Variants in GALNT10 observed in about 807,000 individuals in gnomAD.
GALNT10 encodes GalNAc transferase 10.
Under a neutral mutation model 75.0 loss-of-function variants are expected in GALNT10, and 41 were observed. The observed-to-expected ratio is 0.55, with a 90% CI of 0.43 to 0.71. The LOEUF is 0.71. Among genes scored for constraint, GALNT10 ranks in the 30% least tolerant of loss-of-function variants. The pLI is 0.00. For missense variants in GALNT10, 727 were observed against 818.5 expected (o/e 0.89, Z 1.36); for synonymous variants, 302 against 313.0 (o/e 0.96, Z 0.37).
Position 154,303,125 on chromosome 5 carries a change from G to A in GALNT10, c.401+5046G>A, listed in dbSNP as rs181612648. Among the ~76,000 whole-genome samples the A allele has an allele frequency of 3.2e-4, 48 of 152,232 alleles. 1 individual carries two copies. In the South Asian group the frequency reaches 7.3e-3, roughly 23 times the overall value. On this transcript the variant is annotated intron_variant, in intron 3 of 11. Transcript: ENST00000297107. Reference sequence around the variant, plus strand: ...CAACACCCCCCACCCAAAAAAAAAGGCCAGGCAAAATACATGAAACACTGG... The same window carrying A: ...CAACACCCCCCACCCAAAAAAAAAGACCAGGCAAAATACATGAAACACTGG...
In GALNT10 at chr5:154,337,405, G is replaced by A. The variant is rs1157022141; in HGVS notation, c.568+7667G>A. The stretch of plus-strand genomic sequence containing the variant: ...TGAGTTCACAAATCTGATATAACCT[G>A]TAGCTTCCCCGTCACTTCTCTGGCT... On this transcript the variant is annotated intron_variant, in intron 4 of 11. Coordinates refer to ENST00000297107, the MANE Select transcript of GALNT10 (RefSeq NM_198321.4). 2.8e-5 allele frequency: 17 copies of A among 600,378 alleles called. 1 individual carries two copies. In the East Asian group the frequency reaches 5.9e-4, roughly 21 times the overall value. The allele number at this position is 600,378 out of a possible 1,614,324, so 37.2% of individuals were successfully genotyped here.
chr5:154,317,451 G>A (rs757114639), intron 3 of GALNT10, among the ~76,000 whole-genome samples: 2 of 152,186 alleles, frequency 1.3e-5, no homozygotes, highest in Non-Finnish European at 2.9e-5. Flanking sequence ...TTTAGGGAGT[G>A]TTAAATTAGG....
chr5:154,235,338 C>T (rs973716939), intron 1 of GALNT10, among the ~76,000 whole-genome samples: 1 of 152,172 alleles, frequency 6.6e-6, no homozygotes, highest in African/African-American at 2.4e-5. Context: ...CTGGTAATAC[C>T]ATGATTACAG....
At chr5:154,211,814 G>C (rs184125731) in intron 1 of GALNT10, among the ~76,000 whole-genome samples, 22 of 152,254 alleles carry the variant, frequency 1.4e-4, no homozygotes, top group Non-Finnish European at 2.5e-4. Flanking sequence ...GAGTAAGCTT[G>C]AGTGTCCCTG....
rs10534031 is a variant in GALNT10 at position 154,288,408 on chromosome 5, T to TTG, written c.160-6374_160-6373dup. On this transcript the variant is annotated intron_variant, in intron 1 of 11. Transcript: ENST00000297107. Reference sequence around the variant, plus strand: ...GATTAAACAAAGATTAAAATTCCATTTGTGTGTGTGTGTGTGTGTGTGTGT... The same window carrying TTG: ...GATTAAACAAAGATTAAAATTCCATTTGTGTGTGTGTGTGTGTGTGTGTGTGT... Among the ~76,000 whole-genome samples the TTG allele has an allele frequency of 4.0e-3, 488 of 122,614 alleles. 1 individual carries two copies. The highest frequency in any genetic ancestry group is 0.011 in the South Asian group (36 of 3,258). 80.4% of individuals were successfully genotyped at this position (122,614 alleles called of 152,430 possible). A position where few individuals can be genotyped will look rare whatever the true frequency, so the allele number is the denominator to read the frequency against.
intron 1 of GALNT10, among the ~76,000 whole-genome samples, chr5:154,287,966 G>C (rs1405353717): frequency 2.0e-5 from 3 of 151,386 alleles, no homozygotes; most frequent in African/African-American, 7.3e-5. Flanking sequence ...GTGTGAGAGA[G>C]AGAGAGAGAG....
At chr5:154,338,286 C>A (rs1754974772) in intron 4 of GALNT10, 2 of 640,648 alleles carry the variant, frequency 3.1e-6, no homozygotes, top group South Asian at 3.3e-5. Flanking sequence ...GTGCTTGGAT[C>A]TCTCCTTACC....
chr5:154,258,650 T>C (rs1753651872), intron 1 of GALNT10, among the ~76,000 whole-genome samples: 1 of 152,184 alleles, frequency 6.6e-6, no homozygotes, highest in Admixed American at 6.5e-5. Context: ...TTGACACTAG[T>C]GCAGAATGAT....
chr5:154,249,110 A>G (rs1280194213), intron 1 of GALNT10, among the ~76,000 whole-genome samples: 1 of 152,212 alleles, frequency 6.6e-6, no homozygotes, highest in East Asian at 1.9e-4. Context: ...GATCCTAGGT[A>G]AGTCACTTTA....
At position 154,380,437 on chromosome 5, in the gene GALNT10, G is replaced by A; in HGVS notation, c.755-11G>A. On this transcript the variant is annotated splice_polypyrimidine_tract_variant and intron_variant, in intron 5 of 11. Transcript: ENST00000297107. ...CTGCTTCATCTGATAGGCATCTCTT[G>A]GCTTCTTCAGACCGCATTGCTCGGA... 1 of 1,608,716 alleles carries A rather than the reference G, an allele frequency of 6.2e-7. No homozygotes were observed. The highest frequency in any genetic ancestry group is 8.5e-7 in the Non-Finnish European group (1 of 1,175,804).
At chr5:154,243,203 A>G (rs1348873656) in intron 1 of GALNT10, among the ~76,000 whole-genome samples, 4 of 152,216 alleles carry the variant, frequency 2.6e-5, no homozygotes, top group African/African-American at 9.6e-5. Flanking sequence ...GAAGGTGATT[A>G]GCAGTGTGCC....
chr5:154,334,214 A>T (rs1188593642), intron 4 of GALNT10, among the ~76,000 whole-genome samples: 2 of 152,248 alleles, frequency 1.3e-5, no homozygotes, highest in Non-Finnish European at 2.9e-5. Context: ...GTAGGAGACA[A>T]AATTGGAGCA....
intron 3 of GALNT10, among the ~76,000 whole-genome samples, chr5:154,319,007 T>G (rs1372371201): frequency 6.6e-6 from 1 of 152,226 alleles, no homozygotes; most frequent in Non-Finnish European, 1.5e-5. Context: ...CACAGTACCT[T>G]TGGGGGTCAG....
intron 1 of GALNT10, among the ~76,000 whole-genome samples, chr5:154,265,904 T>TAA (rs10651176): frequency 0.19 from 28,842 of 149,408 alleles, 2,983 homozygotes; most frequent in African/African-American, 0.26. Context: ...TCAATCTCAT[T>TAA]AAAAAAAAAA....
At chr5:154,397,885 C>T (rs959193776) in intron 7 of GALNT10, among the ~76,000 whole-genome samples, 13 of 152,216 alleles carry the variant, frequency 8.5e-5, no homozygotes, top group African/African-American at 3.1e-4. Context: ...CAATCCCTTC[C>T]ACTGCGCCCT....
intron 1 of GALNT10, among the ~76,000 whole-genome samples, chr5:154,241,442 C>T (rs1362543594): frequency 2.0e-5 from 3 of 152,042 alleles, no homozygotes; most frequent in African/African-American, 7.2e-5. Context: ...CCAGAGATAA[C>T]CATAGTTGCA....
chr5:154,397,330 C>T (rs555148155), intron 7 of GALNT10, among the ~76,000 whole-genome samples: 1 of 152,006 alleles, frequency 6.6e-6, no homozygotes, highest in African/African-American at 2.4e-5. Context: ...ATATGAGTTT[C>T]TTTTCAGCCG....
At chr5:154,413,099 G>A in intron 10 of GALNT10, 94 bp downstream of exon 10, 1 of 769,056 alleles carries the variant, frequency 1.3e-6, no homozygotes, top group Non-Finnish European at 2.2e-6. Flanking sequence ...AGAGGCATGG[G>A]TCAGTGATAA....
Position 154,190,791 on chromosome 5 carries a change from G to T in GALNT10, c.-76G>T. 1.3e-6 allele frequency: 1 copy of T among 758,714 alleles called. No homozygotes were observed. Among genetic ancestry groups the T allele is most frequent in the Non-Finnish European group, 1.6e-6 (1 of 621,854 alleles). The allele number at this position is 758,714 out of a possible 1,614,324, so 47.0% of individuals were successfully genotyped here. On this transcript the variant is annotated 5_prime_UTR_variant, in exon 1 of 12. Transcript: ENST00000297107. ...TGCTGGCTGAGCTGCTGCCGCCGCC[G>T]GGCGGACGGGCGGACGCGCGGAGCT...
Sources: gnomAD v4.1 joint callset for allele counts (sites outside exome capture counted in the v4.1 genomes callset) on GRCh38, gnomAD v4.1.1 for gene constraint, MANE v1.5 for transcripts, NCBI Gene and HGNC (gene_info 2026-07-23, HGNC 2026-07-21) for gene names.